Variants in GALNTL5 observed in about 807,000 individuals in gnomAD.
GALNTL5 encodes the protein inactive polypeptide N-acetylgalactosaminyltransferase-like protein 5.
GALNTL5 carries 44 observed loss-of-function variants against 51.0 expected under a neutral mutation model. The observed-to-expected ratio is 0.86, with a 90% CI of 0.68 to 1.11. The LOEUF (loss-of-function observed/expected upper bound fraction) is 1.11. Among genes scored for constraint, GALNTL5 ranks in the 50% least tolerant of loss-of-function variants. GALNTL5 has a pLI of 0.00. For synonymous variants in GALNTL5, 192 were observed against 182.8 expected (o/e 1.05, Z -0.41); for missense variants, 528 against 531.8 (o/e 0.99, Z 0.07).
chr7:151,972,038 A>C (rs1444400358), intron 3 of GALNTL5, among the ~76,000 whole-genome samples: 2 of 152,244 alleles, frequency 1.3e-5, no homozygotes, highest in Non-Finnish European at 2.9e-5. Flanking sequence ...GGGCACTGCT[A>C]TAAAGATACC....
intron 7 of GALNTL5, 75 bp downstream of exon 7, chr7:152,008,019 T>C (rs1259852483): frequency 1.2e-6 from 1 of 828,530 alleles, no homozygotes; most frequent in African/African-American, 1.7e-5. Flanking sequence ...CTGTGGTAAT[T>C]ATGCTCAATT....
rs996209735 is a variant in GALNTL5, at chr7:151,980,831, C to T, written c.369-2155C>T. On this transcript the variant is annotated intron_variant, in intron 3 of 8. Coordinates refer to ENST00000392800, the MANE Select transcript of GALNTL5 (RefSeq NM_145292.4). ...CGGGATCTCGGCTCACTGCAAGCTCCGCCTCCTGGGTTCACGCCATTCTCC... is the reference window on the plus strand; with the variant it reads ...CGGGATCTCGGCTCACTGCAAGCTCTGCCTCCTGGGTTCACGCCATTCTCC... Among the ~76,000 whole-genome samples, 167 of 140,188 alleles carry T rather than the reference C, an allele frequency of 1.2e-3. 4 individuals are homozygous for T. Among genetic ancestry groups the T allele is most frequent in the African/African-American group, 4.8e-4 (17 of 35,558 alleles). The allele number at this position is 140,188 out of a possible 152,430, so 92.0% of individuals were successfully genotyped here. A position where few individuals can be genotyped will look rare whatever the true frequency, so the allele number is the denominator to read the frequency against.
At chr7:151,978,515 G>T (rs888609156) in intron 3 of GALNTL5, among the ~76,000 whole-genome samples, 1 of 152,160 alleles carries the variant, frequency 6.6e-6, no homozygotes, top group Non-Finnish European at 1.5e-5. Flanking sequence ...ATCAGAATCT[G>T]CAGTCAGCAA....
chr7:151,962,436 C>CTTTCTT (rs1157047454), intron 1 of GALNTL5, among the ~76,000 whole-genome samples: 11 of 116,248 alleles, frequency 9.5e-5, no homozygotes, highest in South Asian at 5.7e-4. Context: ...ATTTTTTTTT[C>CTTTCTT]TTTTTTTTTT....
intron 8 of GALNTL5, among the ~76,000 whole-genome samples, chr7:152,017,571 T>A (rs2081835619): frequency 4.6e-5 from 7 of 152,250 alleles, no homozygotes; most frequent in Admixed American, 3.9e-4. Flanking sequence ...TGTGCATGAA[T>A]AATCAGATAT....
chr7:152,009,611 T>A (rs1482358199), intron 7 of GALNTL5, among the ~76,000 whole-genome samples: 2 of 152,204 alleles, frequency 1.3e-5, no homozygotes, highest in African/African-American at 4.8e-5. Context: ...CCTCTGCTCC[T>A]GTGAAGCCAC....
chr7:151,992,954 C>A (rs1586835086), intron 5 of GALNTL5, among the ~76,000 whole-genome samples: 1 of 152,082 alleles, frequency 6.6e-6, no homozygotes, highest in Non-Finnish European at 1.5e-5. Context: ...AAGTAAGATG[C>A]GGACTGGACA....
chr7:152,019,567 G>C, intron 8 of GALNTL5, 79 bp from the exon 9 acceptor site: 2 of 1,355,902 alleles, frequency 1.5e-6, no homozygotes, highest in Non-Finnish European at 2.0e-6. Flanking sequence ...AAATACATGC[G>C]TCTATGTTAG....
rs762776047 is a variant in GALNTL5 at position 152,019,700 on chromosome 7, C to T, written c.1231C>T (p.Arg411Cys). 21 of 1,613,628 alleles carry T rather than the reference C, an allele frequency of 1.3e-5. No individual in the cohort carries two copies. Among genetic ancestry groups the T allele is most frequent in the Non-Finnish European group, 1.7e-5 (20 of 1,179,664 alleles). Residue 411 changes from arginine to cysteine, a missense_variant, in exon 9 of 9, where the codon CGC (arginine) becomes TGC (cysteine). Transcript: ENST00000392800. ...GLKYVTYGNI[R>C]ERVELRKRLG... Reference sequence around the variant, plus strand: ...GAAATATGTCACCTACGGAAATATTCGCGAGCGTGTTGAGTTAAGGAAACG... The same window carrying T: ...GAAATATGTCACCTACGGAAATATTTGCGAGCGTGTTGAGTTAAGGAAACG...
Position 152,019,805 on chromosome 7 carries a change from G to C in GALNTL5, c.*4G>C. The C allele has an allele frequency of 2.5e-6, 4 of 1,601,822 alleles. No homozygotes were observed. Among genetic ancestry groups the C allele is most frequent in the Non-Finnish European group, 3.4e-6 (4 of 1,172,330 alleles). On this transcript the variant is annotated 3_prime_UTR_variant, in exon 9 of 9. Coordinates refer to ENST00000392800, the MANE Select transcript of GALNTL5 (RefSeq NM_145292.4). The stretch of plus-strand genomic sequence containing the variant: ...GGCATCTGTGAACAGCCTGTGAAAG[G>C]AAAACAAATCACTTTCATTAATAAA...
intron 3 of GALNTL5, among the ~76,000 whole-genome samples, chr7:151,979,476 G>A (rs1017234181): frequency 4.0e-5 from 6 of 149,522 alleles, no homozygotes; most frequent in African/African-American, 9.9e-5. Flanking sequence ...GTGGGGGGAG[G>A]GGGGCAGAGT....
intron 5 of GALNTL5, among the ~76,000 whole-genome samples, chr7:151,992,783 C>G (rs2081443696): frequency 6.6e-6 from 1 of 152,098 alleles, no homozygotes; most frequent in African/African-American, 2.4e-5. Context: ...AAAGGGGAGT[C>G]TTATTTTTTT....
intron 7 of GALNTL5, among the ~76,000 whole-genome samples, chr7:152,012,121 C>T (rs552728588): frequency 1.3e-5 from 2 of 152,294 alleles, no homozygotes; most frequent in South Asian, 2.1e-4. Flanking sequence ...CCACACAGCA[C>T]ATTTATACCT....
chr7:152,014,757 C>T lies in GALNTL5; in HGVS notation c.1140C>T (p.Tyr380=). 1 of 1,613,104 alleles carries T rather than the reference C, an allele frequency of 6.2e-7. No homozygotes were observed. Among genetic ancestry groups the T allele is most frequent in the South Asian group, 1.1e-5 (1 of 90,838 alleles). Residue 380 remains tyrosine, a synonymous_variant, in exon 8 of 9, where the codon TAC becomes TAT. Transcript: ENST00000392800. ...STIISAMTHN[Y]LRLVHVWLDE... is the part of the protein sequence containing the mutation. The stretch of plus-strand genomic sequence containing the variant: ...TCATCAGTGCTATGACACATAACTA[C>T]CTAAGACTGGTGCACGTTTGGCTGG...
chr7:151,980,053 C>G (rs1474318808), intron 3 of GALNTL5, among the ~76,000 whole-genome samples: 1 of 150,656 alleles, frequency 6.6e-6, no homozygotes, highest in Admixed American at 6.6e-5. Flanking sequence ...TTCTCTTTCT[C>G]TCCTACTTTC....
At chr7:151,960,966 G>A (rs1010878036) in intron 1 of GALNTL5, among the ~76,000 whole-genome samples, 3 of 152,224 alleles carry the variant, frequency 2.0e-5, no homozygotes, top group Admixed American at 6.5e-5. Flanking sequence ...GTCAAGCAGC[G>A]TGGGTTTCCT....
At position 151,987,200 on chromosome 7, in the gene GALNTL5, C is replaced by A; in HGVS notation, c.577C>A (p.Arg193=). ...EKLDYHLETF[R]GKVKIIRNKK... is the part of the protein sequence containing the mutation. ...ACTAGACTATCACCTGGAAACTTTTCGGGGAAAGGTTAAAATAATAAGAAA... is the reference window on the plus strand; with the variant it reads ...ACTAGACTATCACCTGGAAACTTTTAGGGGAAAGGTTAAAATAATAAGAAA... Residue 193 remains arginine (R), a synonymous_variant, in exon 5 of 9, where the codon CGG becomes AGG. Transcript: ENST00000392800. 6.3e-7 allele frequency: 1 copy of A among 1,596,258 alleles called. No homozygotes were observed. The highest frequency in any genetic ancestry group is 1.2e-5 in the South Asian group (1 of 86,182).
chr7:151,998,898 T>C (rs76442071), intron 5 of GALNTL5, among the ~76,000 whole-genome samples: 1 of 152,148 alleles, frequency 6.6e-6, no homozygotes. Flanking sequence ...CCAGATTTTT[T>C]AAAATTGAGG....
In GALNTL5 at chr7:151,966,560, C is replaced by T. The variant is rs146497904; in HGVS notation, c.-39-648C>T. Among the ~76,000 whole-genome samples the T allele has an allele frequency of 7.9e-3, 1,205 of 152,300 alleles. 16 individuals are homozygous for T. The highest frequency in any genetic ancestry group is 0.027 in the African/African-American group (1,121 of 41,566). On this transcript the variant is annotated intron_variant, in intron 1 of 8. Transcript: ENST00000392800. ...CTGGGATTACAGGCATGAGCCACCA[C>T]ACCCGGCCAGTGTCTAGTTTTCACT...
Sources: allele counts gnomAD v4.1 joint callset (sites outside exome capture counted in the v4.1 genomes callset), GRCh38; gene constraint gnomAD v4.1.1; transcripts MANE v1.5; gene names NCBI Gene and HGNC (gene_info 2026-07-23, HGNC 2026-07-21).